TRIP11: variants seen among roughly 807,000 people sequenced by gnomAD.
TRIP11 encodes the protein thyroid receptor-interacting protein 11.
TRIP11 carries 148 observed loss-of-function variants against 223.1 expected under a neutral mutation model. That is an observed-to-expected ratio of 0.66 (90% CI 0.58 to 0.76). TRIP11 has a LOEUF of 0.76. Ranked by LOEUF, TRIP11 falls within the 30% of genes least tolerant of loss-of-function variation. The probability of loss-of-function intolerance (pLI) is 0.00; values close to 1 mark genes in which losing one functional copy is unlikely to be tolerated. For synonymous variants in TRIP11, 762 were observed against 772.6 expected, an observed-to-expected ratio of 0.99 and a Z score of 0.23; for missense variants, 2,043 against 2,222.0, an observed-to-expected ratio of 0.92 and a Z score of 1.62.
At position 91,966,329 on chromosome 14, in the gene TRIP11, A is replaced by G. The variant is rs1005561564; in HGVS notation, c.*3344T>C. 16 of 180,756 alleles carry G rather than the reference A, an allele frequency of 8.9e-5. No individual in the cohort carries two copies. The highest frequency in any genetic ancestry group is 2.7e-4 in the East Asian group (3 of 10,938). 11.2% of individuals were successfully genotyped at this position (180,756 alleles called of 1,614,324 possible). On this transcript the variant is annotated 3_prime_UTR_variant, in exon 21 of 21. Transcript: ENST00000267622. The stretch of plus-strand genomic sequence containing the variant: ...TTTTCCATAGGAATATATAAAATAA[A>G]TATCATCTATACTTACTTGATATTT...
rs959086581 is a variant in TRIP11, at chr14:92,004,883, C to T, written c.3093G>A (p.Glu1031=). 6.2e-7 allele frequency: 1 copy of T among 1,613,760 alleles called. No individual in the cohort carries two copies. Among genetic ancestry groups the T allele is most frequent in the African/African-American group, 1.3e-5 (1 of 74,928 alleles). ...LVKGIKEREL[E]IKLLNEKNIS... is the part of the protein sequence containing the mutation. The stretch of plus-strand genomic sequence containing the variant: ...TATTCTTTTCATTTAGAAGTTTAAT[C>T]TCCAGTTCTCGCTCTTTTATTCCTT... Residue 1031 remains glutamate, a synonymous_variant, in exon 11 of 21, where the codon GAG becomes GAA. Coordinates refer to ENST00000267622, the MANE Select transcript of TRIP11 (RefSeq NM_004239.4).
intron 4 of TRIP11, among the ~76,000 whole-genome samples, chr14:92,021,086 AG>A (rs1225937010): frequency 1.4e-5 from 2 of 147,936 alleles, no homozygotes; most frequent in East Asian, 4.0e-4. Context: ...AAAAAAAAAA[AG>A]AAAGAAAGAA....
In TRIP11 at chr14:91,993,302, C is replaced by A. The variant is rs553620015; in HGVS notation, c.5160+507G>T. Among the ~76,000 whole-genome samples the A allele has an allele frequency of 4.6e-5, 7 of 151,630 alleles. No homozygotes were observed. In the East Asian group the frequency reaches 1.2e-3, roughly 25 times the overall value. On this transcript the variant is annotated intron_variant, in intron 15 of 20. Transcript: ENST00000267622. ...GACCAGCCTGACCAACATGGTGAAACCCCATCTCTATTAAAAATACAAAAT... is the reference window on the plus strand; with the variant it reads ...GACCAGCCTGACCAACATGGTGAAAACCCATCTCTATTAAAAATACAAAAT...
At chr14:92,008,377 C>T (rs1424478707) in intron 9 of TRIP11, among the ~76,000 whole-genome samples, 2 of 152,210 alleles carry the variant, frequency 1.3e-5, no homozygotes, top group South Asian at 2.1e-4. Flanking sequence ...TTTTCTCTTA[C>T]TAAAGGAATT....
rs2056859816 is a variant in TRIP11 at position 92,003,823 on chromosome 14, T to C, written c.4153A>G (p.Arg1385Gly). ...DSIAATSELE[R>G]KEHEQTDSEI... is the part of the protein sequence containing the mutation. Reference sequence around the variant, plus strand: ...GAATCGGTTTGTTCGTGTTCTTTTCTTTCTAGCTCTGAGGTGGCAGCAATC... The same window carrying C: ...GAATCGGTTTGTTCGTGTTCTTTTCCTTCTAGCTCTGAGGTGGCAGCAATC... Residue 1385 changes from arginine (R) to glycine (G), a missense_variant, in exon 11 of 21, where the codon AGA becomes GGA. Transcript: ENST00000267622. 1.9e-6 allele frequency: 3 copies of C among 1,614,164 alleles called. No individual in the cohort carries two copies. The highest frequency in any genetic ancestry group is 2.2e-5 in the South Asian group (2 of 91,086).
chr14:92,017,722 G>A lies in TRIP11; in HGVS notation c.617C>T (p.Ser206Phe), dbSNP rs1458295111. The A allele has an allele frequency of 1.2e-6, 2 of 1,612,782 alleles. No homozygotes were observed. Among genetic ancestry groups the A allele is most frequent in the Non-Finnish European group, 1.7e-6 (2 of 1,179,326 alleles). The change falls in exon 5 of 21, where the codon TCT (serine) becomes TTT (phenylalanine). Residue 206 changes from serine to phenylalanine, a missense_variant. Ser to Phe is a radical substitution (Grantham distance 155). Coordinates refer to ENST00000267622, the MANE Select transcript of TRIP11 (RefSeq NM_004239.4). The part of the protein sequence containing the change: ...QTSKAQGTDN[S>F]DQSEICKLQN... The stretch of plus-strand genomic sequence containing the variant: ...TAGTTTACATATTTCACTTTGATCA[G>A]AGTTATCTGTTCCTTGTGCTTTGGA...
At chr14:91,973,001 T>C in intron 19 of TRIP11, 140 bp from the exon 20 acceptor site, 1 of 744,730 alleles carries the variant, frequency 1.3e-6, no homozygotes, top group Non-Finnish European at 2.1e-6. Flanking sequence ...AAATCAGCTT[T>C]ATGAACAATT....
Position 91,968,541 on chromosome 14 carries a change from G to A in TRIP11, c.*1132C>T, listed in dbSNP as rs112186522. 5 of 216,136 alleles carry A rather than the reference G, an allele frequency of 2.3e-5. No individual in the cohort carries two copies. The highest frequency in any genetic ancestry group is 6.7e-5 in the African/African-American group (3 of 44,448). 13.4% of individuals were successfully genotyped at this position (216,136 alleles called of 1,614,324 possible). A position where few individuals can be genotyped will look rare whatever the true frequency, so the allele number is the denominator to read the frequency against. On this transcript the variant is annotated 3_prime_UTR_variant, in exon 21 of 21. Transcript: ENST00000267622. The stretch of plus-strand genomic sequence containing the variant: ...CAGTGATTTTGCTAATTATACTTAC[G>A]TAGATGCAGCTGTATGGTTTAATGC...
In TRIP11 at chr14:92,039,717, T is replaced by G. The variant is rs1346778480; in HGVS notation, c.-32A>C. 6.2e-7 allele frequency: 1 copy of G among 1,602,438 alleles called. No individual in the cohort carries two copies. Among genetic ancestry groups the G allele is most frequent in the Admixed American group, 1.7e-5 (1 of 58,088 alleles). On this transcript the variant is annotated 5_prime_UTR_variant, in exon 1 of 21. Transcript: ENST00000267622. ...GAGTTTAGAGAACGACCCGGTCCGC[T>G]CGGAAAAAAGAAAACGTTTAGCGCC...
intron 15 of TRIP11, among the ~76,000 whole-genome samples, chr14:91,992,259 C>G (rs2056683874): frequency 6.6e-6 from 1 of 151,206 alleles, no homozygotes; most frequent in South Asian, 2.1e-4. Context: ...AAAAGAAAAC[C>G]AAACAAAATA....
At chr14:92,013,037 G>A (rs986045513) in intron 7 of TRIP11, among the ~76,000 whole-genome samples, 9 of 152,216 alleles carry the variant, frequency 5.9e-5, no homozygotes, top group Non-Finnish European at 1.2e-4. Flanking sequence ...GGGTGGCCAA[G>A]GTGGGCAGAT....
rs141965887 is a variant in TRIP11 at position 91,993,844 on chromosome 14, C to A, written c.5125G>T (p.Ala1709Ser). The change falls in exon 15 of 21, where the codon GCA becomes TCA. Residue 1709 changes from alanine (A) to serine (S), a missense_variant. Physicochemically the swap from Ala to Ser is moderately conservative, Grantham distance 99. Coordinates refer to ENST00000267622, the MANE Select transcript of TRIP11 (RefSeq NM_004239.4). Reference protein sequence around the residue: ...KQLIAEWKKNAENLEGKVISL... With the variant: ...KQLIAEWKKNSENLEGKVISL... ...ATCACTTTTCCTTCCAGATTTTCTG[C>A]GTTTTTCTTCCATTCAGCTATAAGC... 2.2e-5 allele frequency: 36 copies of A among 1,613,692 alleles called. No individual in the cohort carries two copies. Among genetic ancestry groups the A allele is most frequent in the Non-Finnish European group, 3.0e-5 (35 of 1,179,880 alleles).
chr14:92,002,988 G>T (rs1034386534), intron 11 of TRIP11, among the ~76,000 whole-genome samples: 4 of 152,088 alleles, frequency 2.6e-5, no homozygotes, highest in African/African-American at 9.7e-5. Flanking sequence ...CTCTTACTGT[G>T]TCACAACGTG....
intron 2 of TRIP11, among the ~76,000 whole-genome samples, chr14:92,031,347 T>C (rs1463665293): frequency 6.6e-6 from 1 of 151,848 alleles, no homozygotes; most frequent in Non-Finnish European, 1.5e-5. Flanking sequence ...TCAAGTGATC[T>C]GCCCACCTCA....
rs531337576 is a variant in TRIP11, at chr14:91,992,858, G to A, written c.5160+951C>T. Among the ~76,000 whole-genome samples, 40 of 126,920 alleles carry A rather than the reference G, an allele frequency of 3.2e-4. 1 individual carries two copies. In the South Asian group the frequency reaches 3.9e-3, roughly 12 times the overall value. 83.3% of individuals were successfully genotyped at this position (126,920 alleles called of 152,430 possible). ...CAGGAGGGGGAGTTTGCAGTGAGCC[G>A]AGATCGCGCTACTGCACTCCAGCAT... On this transcript the variant is annotated intron_variant, in intron 15 of 20. Transcript: ENST00000267622.
rs764924931 is a variant in TRIP11 at position 92,003,489 on chromosome 14, T to C, written c.4487A>G (p.Lys1496Arg). Residue 1496 changes from lysine (K) to arginine (R), a missense_variant, in exon 11 of 21, where the codon AAA (lysine) becomes AGA (arginine). Transcript: ENST00000267622. ...NMKFSMMLREKEFECHSMKEK... is the reference protein window; with the variant it reads ...NMKFSMMLREREFECHSMKEK... ...CTTCATTGAGTGGCACTCAAACTCT[T>C]TTTCTCGCAGCATCATAGAAAACTT... 1.9e-6 allele frequency: 3 copies of C among 1,614,050 alleles called. No individual in the cohort carries two copies. In the East Asian group the frequency reaches 6.7e-5, roughly 36 times the overall value.
intron 4 of TRIP11, among the ~76,000 whole-genome samples, chr14:92,021,066 T>C (rs1439011664): frequency 3.7e-5 from 4 of 108,120 alleles, no homozygotes; most frequent in Non-Finnish European, 5.4e-5. Context: ...TAAGACTCTG[T>C]CTCAAAAAAA....
intron 16 of TRIP11, among the ~76,000 whole-genome samples, chr14:91,976,930 G>A (rs1295529352): frequency 1.3e-5 from 2 of 152,154 alleles, no homozygotes; most frequent in African/African-American, 4.8e-5. Context: ...ATGCCACAGG[G>A]CAAGGATTTC....
intron 1 of TRIP11, 25 bp downstream of exon 1, chr14:92,039,522 T>TC: frequency 6.2e-7 from 1 of 1,612,414 alleles, no homozygotes; most frequent in South Asian, 1.1e-5. Context: ...AGAAAAGCCC[T>TC]CCCTTCCCTC....
Sources: allele counts gnomAD v4.1 joint callset (sites outside exome capture counted in the v4.1 genomes callset), GRCh38; gene constraint gnomAD v4.1.1; transcripts MANE v1.5; gene names NCBI Gene and HGNC (gene_info 2026-07-23, HGNC 2026-07-21).